The following CCDC148 variants were observed in gnomAD, a reference collection of about 807,000 sequenced individuals.
CCDC148 encodes coiled-coil domain containing 148, also known as coiled-coil domain-containing protein 148.
In CCDC148, 89 loss-of-function variants were observed where a neutral mutation model predicts 85.7. The observed-to-expected ratio is 1.04, with a 90% CI of 0.87 to 1.24. The LOEUF (loss-of-function observed/expected upper bound fraction) is 1.24. CCDC148 is among the 50% of genes most tolerant of loss of function. CCDC148 has a pLI of 0.00. For missense variants in CCDC148, 692 were observed against 671.7 expected, an observed-to-expected ratio of 1.03 and a Z score of -0.33; for synonymous variants, 230 against 213.9, an observed-to-expected ratio of 1.08 and a Z score of -0.66.
At chr2:158,265,564 G>T (rs577040801) in intron 9 of CCDC148, among the ~76,000 whole-genome samples, 1 of 152,170 alleles carries the variant, frequency 6.6e-6, no homozygotes, top group East Asian at 1.9e-4. Context: ...TAATTTATAA[G>T]TATATTTTAA....
At chr2:158,415,513 A>G (rs1377115664) in intron 1 of CCDC148, among the ~76,000 whole-genome samples, 1 of 152,228 alleles carries the variant, frequency 6.6e-6, no homozygotes, top group Non-Finnish European at 1.5e-5. Flanking sequence ...GCAAAATACA[A>G]TCATCCCTTC....
At chr2:158,236,057 G>A (rs1688091795) in intron 10 of CCDC148, 1 of 152,226 alleles carries the variant, frequency 6.6e-6, no homozygotes, top group Non-Finnish European at 1.5e-5. Context: ...AATGGAGAGT[G>A]ATACGACTCA....
rs183833876 is a variant in CCDC148 at position 158,221,483 on chromosome 2, G to C, written c.1252-770C>G. Among the ~76,000 whole-genome samples the C allele has an allele frequency of 2.7e-3, 410 of 152,266 alleles. 3 individuals are homozygous for C. The highest frequency in any genetic ancestry group is 9.2e-3 in the African/African-American group (384 of 41,560). The stretch of plus-strand genomic sequence containing the variant: ...AACAGAGGCCCATTCCACCACTCTG[G>C]CCTGCCATGTTGTGCCTGAGTCAAG... On this transcript the variant is annotated intron_variant, in intron 10 of 13. Coordinates refer to ENST00000283233, the MANE Select transcript of CCDC148 (RefSeq NM_138803.4).
At chr2:158,365,929 A>G in intron 1 of CCDC148, 3 of 1,002,016 alleles carry the variant, frequency 3.0e-6, no homozygotes, top group Non-Finnish European at 4.3e-6. Context: ...AAAATTTTGA[A>G]AAATCAACAT....
intron 9 of CCDC148, among the ~76,000 whole-genome samples, chr2:158,260,540 G>C (rs542192210): frequency 6.6e-6 from 1 of 151,868 alleles, no homozygotes; most frequent in Non-Finnish European, 1.5e-5. Context: ...AGAAATAAAG[G>C]GCATCCAAAT....
Position 158,311,444 on chromosome 2 carries a change from A to G in CCDC148, c.904-1805T>C, listed in dbSNP as rs192986742. On this transcript the variant is annotated intron_variant, in intron 8 of 13. Transcript: ENST00000283233. ...CAGTACAGTCCAGCCTCGGCAACAG[A>G]GGGAGACTGTGGAAAGCGGGAGATG... is the stretch of plus-strand genomic sequence containing the variant. Among the ~76,000 whole-genome samples, 358 of 152,112 alleles carry G rather than the reference A, an allele frequency of 2.4e-3. 1 individual carries two copies. The highest frequency in any genetic ancestry group is 8.1e-3 in the African/African-American group (338 of 41,510).
Position 158,390,238 on chromosome 2 carries a change from C to T in CCDC148, c.26-31668G>A, listed in dbSNP as rs180846113. 9.6e-4 allele frequency among the ~76,000 whole-genome samples: 146 copies of T among 152,128 alleles called. 1 individual carries two copies. The highest frequency in any genetic ancestry group is 3.3e-3 in the African/African-American group (138 of 41,502). On this transcript the variant is annotated intron_variant, in intron 1 of 13. Transcript: ENST00000283233. Reference sequence around the variant, plus strand: ...GGCTCAATTCCTCCCAGGCAAAAAGCTGGAAGGGGATTCTCTGAGAAACCA... The same window carrying T: ...GGCTCAATTCCTCCCAGGCAAAAAGTTGGAAGGGGATTCTCTGAGAAACCA...
intron 1 of CCDC148, among the ~76,000 whole-genome samples, chr2:158,445,740 C>A (rs1224970568): frequency 6.6e-6 from 1 of 151,916 alleles, no homozygotes; most frequent in Non-Finnish European, 1.5e-5. Context: ...ATTTTACATT[C>A]TTTAAGTGTA....
chr2:158,310,837 G>A lies in CCDC148; in HGVS notation c.904-1198C>T, dbSNP rs548868271. On this transcript the variant is annotated intron_variant, in intron 8 of 13. Transcript: ENST00000283233. ...AGAGACGCTCCTCACTTCCTAGATG[G>A]GATGACGGCCAGGAAGAGGTGCTCC... 1.8e-4 allele frequency among the ~76,000 whole-genome samples: 27 copies of A among 150,096 alleles called. No individual in the cohort carries two copies. In the East Asian group the frequency reaches 2.2e-3, roughly 12 times the overall value.
chr2:158,449,110 G>A (rs2105348911), intron 1 of CCDC148, among the ~76,000 whole-genome samples: 1 of 152,308 alleles, frequency 6.6e-6, no homozygotes, highest in Admixed American at 6.5e-5. Flanking sequence ...ACAGGCATGA[G>A]CCACCGTGCC....
At position 158,220,599 on chromosome 2, in the gene CCDC148, CTCTG is replaced by C; in HGVS notation, c.1362_1365del (p.Asp454GlufsTer15). 6.2e-7 allele frequency: 1 copy of C among 1,601,340 alleles called. No individual in the cohort carries two copies. The highest frequency in any genetic ancestry group is 1.3e-5 in the African/African-American group (1 of 74,438). On this transcript the variant is annotated frameshift_variant, in exon 11 of 14. Coordinates refer to ENST00000283233, the MANE Select transcript of CCDC148 (RefSeq NM_138803.4). LOFTEE classifies it high-confidence loss of function. ...CAATTTTAAATTTTCTTTTACCTTTCTCTGTCTTTTAGTGACTGTTCAGCGATTA... is the reference window on the plus strand; with the variant it reads ...CAATTTTAAATTTTCTTTTACCTTTCTCTTTTAGTGACTGTTCAGCGATTA...
intron 1 of CCDC148, among the ~76,000 whole-genome samples, chr2:158,392,593 T>TGGATAAAGGATACTA (rs1685360244): frequency 6.6e-6 from 1 of 150,742 alleles, no homozygotes. Flanking sequence ...CCAAGCATTT[T>TGGATAAAGGATACTA]GGATAAAGGA....
chr2:158,431,126 G>C (rs1395815581), intron 1 of CCDC148, among the ~76,000 whole-genome samples: 1 of 151,674 alleles, frequency 6.6e-6, no homozygotes, highest in Non-Finnish European at 1.5e-5. Context: ...TAAGTGGAAT[G>C]CTAGAAGAAA....
intron 13 of CCDC148, among the ~76,000 whole-genome samples, chr2:158,174,001 T>G (rs938617532): frequency 6.6e-6 from 1 of 152,166 alleles, no homozygotes; most frequent in East Asian, 1.9e-4. Context: ...CTTGTAAATA[T>G]GTACTAGATA....
At chr2:158,327,981 C>T (rs1692870575) in intron 7 of CCDC148, among the ~76,000 whole-genome samples, 1 of 151,892 alleles carries the variant, frequency 6.6e-6, no homozygotes, top group South Asian at 2.1e-4. Flanking sequence ...GTTCTATTTA[C>T]ATTAATTTTA....
At position 158,220,686 on chromosome 2, in the gene CCDC148, GT is replaced by G; in HGVS notation, c.1278del (p.Lys426AsnfsTer9). 2 of 1,583,860 alleles carry G rather than the reference GT, an allele frequency of 1.3e-6. No individual in the cohort carries two copies. The highest frequency in any genetic ancestry group is 1.7e-6 in the Non-Finnish European group (2 of 1,171,910). ...CTCATTTCCATTTCTTGCCACTTCT[GT>G]TTTTTCTTGGCCCAGTATTTTTTTA... ...KKIKKYWAKK[K>X]QKWQEMEMRD... is the part of the protein sequence containing the mutation. On this transcript the variant is annotated frameshift_variant, in exon 11 of 14. Coordinates refer to ENST00000283233, the MANE Select transcript of CCDC148 (RefSeq NM_138803.4). LOFTEE classifies it high-confidence loss of function.
At chr2:158,208,229 A>T (rs559978192) in intron 11 of CCDC148, among the ~76,000 whole-genome samples, 3 of 152,336 alleles carry the variant, frequency 2.0e-5, no homozygotes, top group Admixed American at 2.0e-4. Context: ...TTTGGGTTGT[A>T]AAAGGTAAAA....
chr2:158,177,156 A>T (rs1684631842), intron 12 of CCDC148, among the ~76,000 whole-genome samples: 1 of 151,926 alleles, frequency 6.6e-6, no homozygotes, highest in Admixed American at 6.6e-5. Context: ...TTAGTGAACA[A>T]GGTGGGTGAA....
intron 9 of CCDC148, among the ~76,000 whole-genome samples, chr2:158,286,438 A>C (rs764955294): frequency 7.2e-4 from 110 of 152,228 alleles, no homozygotes; most frequent in Admixed American, 1.1e-3. Context: ...ATTCTTGCCA[A>C]ATTTATTCAT....
Sources: gnomAD v4.1 joint callset for allele counts (sites outside exome capture counted in the v4.1 genomes callset) on GRCh38, gnomAD v4.1.1 for gene constraint, MANE v1.5 for transcripts, NCBI Gene and HGNC (gene_info 2026-07-23, HGNC 2026-07-21) for gene names.